Variants in NTM observed in about 807,000 individuals in gnomAD.
The protein encoded by NTM is IgLON family member 2.
A neutral mutation model predicts 42.1 loss-of-function variants in NTM; 13 were observed. The ratio of observed to expected loss-of-function variants is 0.31; its 90% CI spans 0.20 to 0.49. NTM has a LOEUF of 0.49. Among genes scored for constraint, NTM ranks in the 20% least tolerant of loss-of-function variants. NTM has a pLI of 0.99. For missense variants in NTM, 373 were observed against 452.8 expected (o/e 0.82, Z 1.60); for synonymous variants, 187 against 179.2 (o/e 1.04, Z -0.35).
At chr11:131,950,381 A>G (rs555722047) in intron 2 of NTM, among the ~76,000 whole-genome samples, 3 of 152,136 alleles carry the variant, frequency 2.0e-5, no homozygotes, top group Admixed American at 1.3e-4. Flanking sequence ...TTTTCTTTCC[A>G]TCTTACCTCC....
At chr11:131,859,015 T>C (rs2046364647) in intron 1 of NTM, among the ~76,000 whole-genome samples, 1 of 152,178 alleles carries the variant, frequency 6.6e-6, no homozygotes, top group African/African-American at 2.4e-5. Flanking sequence ...GTCAGAGTTT[T>C]GCCGCACTTC....
intron 2 of NTM, among the ~76,000 whole-genome samples, chr11:132,123,788 G>GC (rs1201804516): frequency 1.3e-5 from 2 of 152,120 alleles, no homozygotes; most frequent in Non-Finnish European, 2.9e-5. Flanking sequence ...AGAGAACCAC[G>GC]CATGTGCCGG....
chr11:132,150,441 T>C (rs2071615475), intron 3 of NTM, among the ~76,000 whole-genome samples: 1 of 152,150 alleles, frequency 6.6e-6, no homozygotes, highest in South Asian at 2.1e-4. Flanking sequence ...AAAAGCTTTA[T>C]TGGATAGTGC....
At position 131,674,754 on chromosome 11, in the gene NTM, C is replaced by A. The variant is rs115104051; in HGVS notation, c.83-236810C>A. On this transcript the variant is annotated intron_variant, in intron 1 of 8. Coordinates refer to ENST00000683400, the MANE Select transcript of NTM (RefSeq NM_001352005.2). ...TGTCTGGTTACCTGTAATGCTGCTT[C>A]TCTGAAATTCTCTGAAAGACAGAAA... is the stretch of plus-strand genomic sequence containing the variant. 7.0e-3 allele frequency among the ~76,000 whole-genome samples: 1,072 copies of A among 152,298 alleles called. 11 individuals carry two copies. Among genetic ancestry groups the A allele is most frequent in the African/African-American group, 0.023 (961 of 41,544 alleles).
chr11:131,584,738 C>G lies in NTM; in HGVS notation c.82+213850C>G, dbSNP rs1165069200. Among the ~76,000 whole-genome samples, 8 of 152,220 alleles carry G rather than the reference C, an allele frequency of 5.3e-5. No homozygotes were observed. In the East Asian group the frequency reaches 5.8e-4, roughly 11 times the overall value. On this transcript the variant is annotated intron_variant, in intron 1 of 8. Transcript: ENST00000683400. The stretch of plus-strand genomic sequence containing the variant: ...TACAGCCTGTGTCAATCACCCTGGA[C>G]GGAGCCATTTCACTCTTTGCCCTTC...
intron 3 of NTM, among the ~76,000 whole-genome samples, chr11:132,165,224 C>A (rs1591949236): frequency 6.6e-6 from 1 of 152,134 alleles, no homozygotes; most frequent in Non-Finnish European, 1.5e-5. Flanking sequence ...CCTCCCTTAC[C>A]ACCCCAAATT....
At chr11:131,629,233 A>T (rs757328957) in intron 1 of NTM, among the ~76,000 whole-genome samples, 8 of 151,714 alleles carry the variant, frequency 5.3e-5, no homozygotes, top group Non-Finnish European at 8.8e-5. Context: ...CTGCAAATAC[A>T]TTAAAGATTT....
chr11:131,911,266 G>A (rs1041832185), intron 1 of NTM: 5 of 1,421,298 alleles, frequency 3.5e-6, no homozygotes, highest in South Asian at 1.5e-5. Flanking sequence ...CCGTGGAACC[G>A]GTTTTCCGAG....
chr11:131,740,774 C>A (rs893586006), intron 1 of NTM, among the ~76,000 whole-genome samples: 2 of 152,136 alleles, frequency 1.3e-5, no homozygotes, highest in African/African-American at 2.4e-5. Flanking sequence ...TTTATTGACC[C>A]TGAATGTGGC....
chr11:132,239,551 G>T (rs906649806), intron 4 of NTM, among the ~76,000 whole-genome samples: 1 of 152,148 alleles, frequency 6.6e-6, no homozygotes, highest in African/African-American at 2.4e-5. Flanking sequence ...GCATTTTACT[G>T]AGAGAGACAG....
intron 4 of NTM, among the ~76,000 whole-genome samples, chr11:132,222,643 C>A (rs930063900): frequency 6.6e-6 from 1 of 152,146 alleles, no homozygotes; most frequent in Non-Finnish European, 1.5e-5. Context: ...ACAGCCGCAG[C>A]CTGCCTTTTG....
chr11:131,479,873 A>T (rs1178650480), intron 1 of NTM, among the ~76,000 whole-genome samples: 2 of 152,156 alleles, frequency 1.3e-5, no homozygotes, highest in Admixed American at 6.5e-5. Flanking sequence ...GAGAAGAAAT[A>T]TTAACATTTT....
intron 2 of NTM, among the ~76,000 whole-genome samples, chr11:131,961,941 A>G (rs1400374484): frequency 6.6e-6 from 1 of 152,052 alleles, no homozygotes; most frequent in East Asian, 1.9e-4. Flanking sequence ...TAGGATGATG[A>G]TGGATCCATG....
intron 4 of NTM, among the ~76,000 whole-genome samples, chr11:132,245,879 A>G (rs1263566400): frequency 6.6e-6 from 1 of 152,104 alleles, no homozygotes; most frequent in Non-Finnish European, 1.5e-5. Flanking sequence ...GTGTGCAGAG[A>G]GACTCGGGGA....
intron 6 of NTM, among the ~76,000 whole-genome samples, chr11:132,313,613 G>C (rs149632047): frequency 0.013 from 1,967 of 152,306 alleles, 21 homozygotes; most frequent in Non-Finnish European, 0.02. Context: ...TCTTGCAAAG[G>C]AAAGTAGGTG....
intron 1 of NTM, among the ~76,000 whole-genome samples, chr11:131,814,317 G>T (rs1172771209): frequency 6.6e-6 from 1 of 152,058 alleles, no homozygotes; most frequent in Admixed American, 6.5e-5. Flanking sequence ...TCCCCTTCCA[G>T]ATCATTAACA....
intron 2 of NTM, among the ~76,000 whole-genome samples, chr11:132,125,349 G>A (rs1449986991): frequency 1.4e-4 from 20 of 140,996 alleles, no homozygotes; most frequent in Non-Finnish European, 2.9e-4. Context: ...GTATGTGATT[G>A]TGTAGTGTGT....
At chr11:132,307,305 G>T (rs1189682235) in intron 4 of NTM, among the ~76,000 whole-genome samples, 2 of 152,102 alleles carry the variant, frequency 1.3e-5, no homozygotes, top group African/African-American at 4.8e-5. Flanking sequence ...TATATTCAAG[G>T]CTCAGTCTAA....
At chr11:131,612,801 C>A (rs1254014654) in intron 1 of NTM, among the ~76,000 whole-genome samples, 1 of 152,206 alleles carries the variant, frequency 6.6e-6, no homozygotes, top group East Asian at 1.9e-4. Context: ...CTAAGAGCAG[C>A]CTCTCTGGCT....
Sources: gnomAD v4.1 joint callset for allele counts (sites outside exome capture counted in the v4.1 genomes callset) on GRCh38, gnomAD v4.1.1 for gene constraint, MANE v1.5 for transcripts, NCBI Gene and HGNC (gene_info 2026-07-23, HGNC 2026-07-21) for gene names.